Variants in CNIH3 observed in about 807,000 individuals in gnomAD.
CNIH3 encodes protein cornichon homolog 3.
CNIH3 carries 14 observed loss-of-function variants against 24.1 expected under a neutral mutation model. The observed-to-expected ratio is 0.58, with a 90% CI of 0.38 to 0.91. The LOEUF is 0.91. Ranked by LOEUF, CNIH3 falls within the 40% of genes least tolerant of loss-of-function variation. The probability of loss-of-function intolerance (pLI) is 0.00; values close to 1 mark genes in which losing one functional copy is unlikely to be tolerated. For synonymous variants in CNIH3, 68 were observed against 73.8 expected (o/e 0.92, Z 0.40); for missense variants, 178 against 196.8 (o/e 0.90, Z 0.57).
At chr1:224,708,720 G>A (rs912136663) in intron 3 of CNIH3, among the ~76,000 whole-genome samples, 5 of 152,092 alleles carry the variant, frequency 3.3e-5, no homozygotes, top group Admixed American at 6.5e-5. Flanking sequence ...GACCATCTTA[G>A]TTTTCCTCCT....
chr1:224,620,837 G>GA (rs1209162505), intron 1 of CNIH3, among the ~76,000 whole-genome samples: 6 of 150,760 alleles, frequency 4.0e-5, no homozygotes, highest in Non-Finnish European at 5.9e-5. Flanking sequence ...CCATTTCTAA[G>GA]AAAAAAAAAT....
intron 1 of CNIH3, among the ~76,000 whole-genome samples, chr1:224,647,590 C>A (rs934021831): frequency 3.9e-5 from 6 of 152,118 alleles, no homozygotes; most frequent in Non-Finnish European, 7.3e-5. Context: ...ATGATGAGAA[C>A]CAAAGCAGTG....
intron 1 of CNIH3, among the ~76,000 whole-genome samples, chr1:224,479,090 C>T (rs1676698643): frequency 6.7e-6 from 1 of 149,330 alleles, no homozygotes; most frequent in African/African-American, 2.5e-5. Flanking sequence ...CCTCCCAAAT[C>T]TGATGTTTTC....
intron 1 of CNIH3, among the ~76,000 whole-genome samples, chr1:224,671,101 GCTGGCTGACTCT>G (rs1184955906): frequency 6.6e-6 from 1 of 152,206 alleles, no homozygotes; most frequent in Non-Finnish European, 1.5e-5. Flanking sequence ...TTTCCAGCCT[GCTGGCTGACTCT>G]GCAGAATTGG....
At chr1:224,453,682 A>G (rs1445308446) in intron 1 of CNIH3, among the ~76,000 whole-genome samples, 2 of 151,722 alleles carry the variant, frequency 1.3e-5, no homozygotes, top group Non-Finnish European at 2.9e-5. Context: ...CCAGACTGGA[A>G]TGCAGAGTGC....
intron 1 of CNIH3, among the ~76,000 whole-genome samples, chr1:224,656,601 G>A (rs936835223): frequency 6.6e-6 from 1 of 152,166 alleles, no homozygotes; most frequent in African/African-American, 2.4e-5. Flanking sequence ...GGATCCCAGA[G>A]GGACTGACTG....
upstream of CNIH3, chr1:224,611,545 T>A (rs1266590487): frequency 4.6e-5 from 7 of 152,260 alleles, no homozygotes; most frequent in Non-Finnish European, 8.8e-5. Flanking sequence ...ATGCGTTGAT[T>A]TCCTCCTTAT....
intron 3 of CNIH3, among the ~76,000 whole-genome samples, chr1:224,605,472 T>C (rs1472333441): frequency 6.6e-6 from 1 of 152,190 alleles, no homozygotes; most frequent in Non-Finnish European, 1.5e-5. Context: ...TCCCCAAAAC[T>C]AAACTGTCCT....
chr1:224,713,351 G>C (rs1320292386), intron 3 of CNIH3, among the ~76,000 whole-genome samples: 1 of 152,172 alleles, frequency 6.6e-6, no homozygotes, highest in Non-Finnish European at 1.5e-5. Flanking sequence ...TATTGTTATT[G>C]ACACCTCAGC....
intron 3 of CNIH3, among the ~76,000 whole-genome samples, chr1:224,695,035 A>G (rs1269913106): frequency 6.6e-6 from 1 of 152,166 alleles, no homozygotes; most frequent in African/African-American, 2.4e-5. Flanking sequence ...ATCACCACTA[A>G]AGAACTTATC....
intron 3 of CNIH3, among the ~76,000 whole-genome samples, chr1:224,693,362 T>A (rs955577810): frequency 2.7e-4 from 41 of 152,222 alleles, no homozygotes; most frequent in African/African-American, 9.6e-4. Flanking sequence ...TCCTTGTTAG[T>A]TCTCTATTGC....
rs562737558 is a variant in CNIH3, at chr1:224,491,638, C to T, written n.204-24103C>T. ...TTATTTTTTTTGAGACAGAGTCTCA[C>T]TCTGTCACCCAGGCTGGAGTGCAGT... On this transcript the variant is annotated intron_variant and non_coding_transcript_variant, in intron 1 of 5. Coordinates refer to the CNIH3 transcript ENST00000471578. 6.6e-5 allele frequency among the ~76,000 whole-genome samples: 10 copies of T among 152,114 alleles called. No homozygotes were observed. The South Asian group carries it at 2.1e-3, about 32-fold the overall frequency.
At chr1:224,480,010 A>G (rs1267553055) in intron 1 of CNIH3, among the ~76,000 whole-genome samples, 1 of 152,136 alleles carries the variant, frequency 6.6e-6, no homozygotes, top group Non-Finnish European at 1.5e-5. Context: ...CTGCCCTAAC[A>G]GTGGTTCTCT....
chr1:224,520,786 A>G lies in CNIH3; in HGVS notation n.16-214A>G, dbSNP rs554181295. ...TTCCTTGCCTGCCACAGCTGCATGAAGAGAGGCTCATGTGTGTTTATGGAG... is the reference window on the plus strand; with the variant it reads ...TTCCTTGCCTGCCACAGCTGCATGAGGAGAGGCTCATGTGTGTTTATGGAG... On this transcript the variant is annotated intron_variant and non_coding_transcript_variant, in intron 1 of 2. Transcript: ENST00000470602. Among the ~76,000 whole-genome samples the G allele has an allele frequency of 1.5e-3, 227 of 152,370 alleles. 1 individual carries two copies. Among genetic ancestry groups the G allele is most frequent in the Non-Finnish European group, 2.8e-3 (192 of 68,034 alleles).
At chr1:224,589,037 G>A (rs1020559508), downstream of CNIH3, among the ~76,000 whole-genome samples, 2 of 144,792 alleles carry the variant, frequency 1.4e-5, no homozygotes, top group Admixed American at 1.4e-4. Flanking sequence ...ATCCCTGCGA[G>A]AATGGATTGA....
In CNIH3 at chr1:224,681,041, C is replaced by T; in HGVS notation, c.150+15C>T. 1 of 1,611,790 alleles carries T rather than the reference C, an allele frequency of 6.2e-7. No homozygotes were observed. The highest frequency in any genetic ancestry group is 8.5e-7 in the Non-Finnish European group (1 of 1,177,920). ...CTGTTCATGCGGTAAGTGGCGGGTA[C>T]TGGTGAGGGGAAGGTGCTATCACCC... On this transcript the variant is annotated intron_variant, in intron 2 of 5. Transcript: ENST00000272133.
intron 2 of CNIH3, among the ~76,000 whole-genome samples, chr1:224,536,025 G>A (rs1233821108): frequency 6.6e-6 from 1 of 152,224 alleles, no homozygotes; most frequent in Admixed American, 6.5e-5. Context: ...ACCTGTGGAT[G>A]TAGTTGTAAA....
intron 3 of CNIH3, among the ~76,000 whole-genome samples, chr1:224,702,834 C>G (rs1453536193): frequency 6.6e-6 from 1 of 152,146 alleles, no homozygotes. Flanking sequence ...TTCTCTTTCC[C>G]CTCTCTTCCC....
chr1:224,665,130 G>C (rs1470042309), intron 1 of CNIH3, among the ~76,000 whole-genome samples: 4 of 152,136 alleles, frequency 2.6e-5, no homozygotes, highest in Admixed American at 2.6e-4. Flanking sequence ...TAGTTAATTA[G>C]TAGGTCTTGG....
Sources: gnomAD v4.1 joint callset for allele counts (sites outside exome capture counted in the v4.1 genomes callset) on GRCh38, gnomAD v4.1.1 for gene constraint, MANE v1.5 for transcripts, NCBI Gene and HGNC (gene_info 2026-07-23, HGNC 2026-07-21) for gene names.